Variants in NCKAP5 observed in about 807,000 individuals in gnomAD.
NCKAP5 encodes the protein NCK associated protein 5, also known as nck-associated protein 5.
In NCKAP5, 92 loss-of-function variants were observed where a neutral mutation model predicts 167.0. That is an observed-to-expected ratio of 0.55 (90% CI 0.47 to 0.66). NCKAP5 has a LOEUF of 0.66. Ranked by LOEUF, NCKAP5 falls within the 30% of genes least tolerant of loss-of-function variation. The pLI is 0.00. For synonymous variants in NCKAP5, 891 were observed against 877.4 expected, an observed-to-expected ratio of 1.02 and a Z score of -0.27; for missense variants, 2,378 against 2,315.0, an observed-to-expected ratio of 1.03 and a Z score of -0.56.
intron 8 of NCKAP5, among the ~76,000 whole-genome samples, chr2:132,890,359 A>G (rs1377567097): frequency 6.6e-6 from 1 of 152,006 alleles, no homozygotes; most frequent in African/African-American, 2.4e-5. Context: ...GAGCTATGCT[A>G]GGGGGTATAC....
chr2:133,047,748 G>A (rs2079450888), intron 6 of NCKAP5, among the ~76,000 whole-genome samples: 1 of 152,050 alleles, frequency 6.6e-6, no homozygotes, highest in African/African-American at 2.4e-5. Context: ...GAGGGAACAG[G>A]GAGTCAACAT....
chr2:132,964,938 A>C (rs2076617519), intron 7 of NCKAP5, among the ~76,000 whole-genome samples: 1 of 152,200 alleles, frequency 6.6e-6, no homozygotes, highest in African/African-American at 2.4e-5. Flanking sequence ...AGGTACTTTG[A>C]AGGTTCCAAA....
At chr2:133,283,568 A>T (rs1214452078) in intron 4 of NCKAP5, among the ~76,000 whole-genome samples, 1 of 152,064 alleles carries the variant, frequency 6.6e-6, no homozygotes, top group African/African-American at 2.4e-5. Flanking sequence ...ACATTTTTCT[A>T]GATGGTCACA....
intron 3 of NCKAP5, among the ~76,000 whole-genome samples, chr2:133,467,154 G>A (rs944690654): frequency 3.3e-5 from 5 of 151,612 alleles, no homozygotes; most frequent in African/African-American, 1.2e-4. Flanking sequence ...GTTTGTCATA[G>A]ATAGCTCTTA....
At chr2:132,764,976 C>A (rs1445342506) in intron 16 of NCKAP5, among the ~76,000 whole-genome samples, 3 of 152,152 alleles carry the variant, frequency 2.0e-5, no homozygotes, top group Non-Finnish European at 2.9e-5. Context: ...ATTATCGGGA[C>A]TTTAATTGAT....
chr2:133,615,579 G>T, the NCKAP5 span, among the ~76,000 whole-genome samples: 2 of 152,034 alleles, frequency 1.3e-5, no homozygotes, highest in Non-Finnish European at 2.9e-5. Flanking sequence ...GGTAAACAGA[G>T]CAATTCAACA....
intron 11 of NCKAP5, among the ~76,000 whole-genome samples, chr2:132,839,980 T>C (rs1230129681): frequency 2.0e-5 from 3 of 152,142 alleles, no homozygotes; most frequent in African/African-American, 7.2e-5. Context: ...ATACTATGAC[T>C]CTATACCATC....
At chr2:133,066,056 T>TA (rs369751799) in intron 6 of NCKAP5, among the ~76,000 whole-genome samples, 45 of 152,358 alleles carry the variant, frequency 3.0e-4, no homozygotes, top group African/African-American at 1.1e-3. Flanking sequence ...TACTTGTGTA[T>TA]ACATGCTCAT....
At chr2:133,067,224 T>C (rs2080229855) in intron 6 of NCKAP5, among the ~76,000 whole-genome samples, 1 of 152,274 alleles carries the variant, frequency 6.6e-6, no homozygotes, top group South Asian at 2.1e-4. Context: ...CATCATCATA[T>C]TGTTATAAGT....
chr2:132,703,174 C>T (rs774695913), intron 19 of NCKAP5, among the ~76,000 whole-genome samples: 22 of 152,204 alleles, frequency 1.4e-4, no homozygotes, highest in Non-Finnish European at 2.5e-4. Flanking sequence ...GAGTGAGACC[C>T]TGTCTCTAAA....
intron 11 of NCKAP5, among the ~76,000 whole-genome samples, chr2:132,824,599 G>A (rs932429094): frequency 6.6e-6 from 1 of 152,218 alleles, no homozygotes; most frequent in African/African-American, 2.4e-5. Context: ...CACAAGTGCT[G>A]CCTATCACAT....
intron 2 of NCKAP5, among the ~76,000 whole-genome samples, chr2:133,538,977 G>A (rs2104872883): frequency 8.7e-6 from 1 of 115,084 alleles, no homozygotes; most frequent in African/African-American, 3.5e-5. Flanking sequence ...GTCTCACTCT[G>A]TCGCCCAGGC....
chr2:133,641,473 G>T, the NCKAP5 span, among the ~76,000 whole-genome samples: 1 of 152,350 alleles, frequency 6.6e-6, no homozygotes, highest in African/African-American at 2.4e-5. Context: ...TAGGAAGCCA[G>T]CTAAGAGCTG....
At chr2:133,508,235 T>A (rs902200562) in intron 3 of NCKAP5, among the ~76,000 whole-genome samples, 1 of 152,148 alleles carries the variant, frequency 6.6e-6, no homozygotes, top group African/African-American at 2.4e-5. Flanking sequence ...ACACTGTGGC[T>A]TTCTCAATAA....
At chr2:132,730,301 C>T (rs1293793015) in intron 17 of NCKAP5, among the ~76,000 whole-genome samples, 1 of 152,170 alleles carries the variant, frequency 6.6e-6, no homozygotes, top group Non-Finnish European at 1.5e-5. Context: ...CAAGAACAGC[C>T]TGGCCAACAT....
chr2:133,502,935 T>C (rs1682659546), intron 3 of NCKAP5, among the ~76,000 whole-genome samples: 1 of 152,282 alleles, frequency 6.6e-6, no homozygotes, highest in South Asian at 2.1e-4. Context: ...CCCTTTCCCT[T>C]GCTCTATGTT....
At position 132,676,283 on chromosome 2, in the gene NCKAP5, CTTTTTTTTTTTTTTT is replaced by C. The variant is rs61213029; in HGVS notation, c.5714-2993_5714-2979del. On this transcript the variant is annotated intron_variant, in intron 19 of 19. Transcript: ENST00000409261. ...TCTGAGCTAGGGATGTTGTTTTATC[CTTTTTTTTTTTTTTT>C]TTTTTTTTTTTTTGCAGTGTCCTAC... 3.8e-4 allele frequency among the ~76,000 whole-genome samples: 23 copies of C among 61,136 alleles called. 1 individual carries two copies. The highest frequency in any genetic ancestry group is 5.4e-4 in the African/African-American group (7 of 12,902). The allele number at this position is 61,136 out of a possible 152,430, so 40.1% of individuals were successfully genotyped here.
intron 2 of NCKAP5, among the ~76,000 whole-genome samples, chr2:133,552,424 G>T (rs1418195953): frequency 6.9e-6 from 1 of 145,360 alleles, no homozygotes; most frequent in East Asian, 2.2e-4. Flanking sequence ...CATAAAAAAT[G>T]ATGAGTTCGT....
At chr2:133,471,244 G>C (rs538120046) in intron 3 of NCKAP5, among the ~76,000 whole-genome samples, 1 of 152,244 alleles carries the variant, frequency 6.6e-6, no homozygotes, top group Non-Finnish European at 1.5e-5. Context: ...GTGCTTACCT[G>C]TCATCTTGGC....
Sources: gnomAD v4.1 joint callset for allele counts (sites outside exome capture counted in the v4.1 genomes callset) on GRCh38, gnomAD v4.1.1 for gene constraint, MANE v1.5 for transcripts, NCBI Gene and HGNC (gene_info 2026-07-23, HGNC 2026-07-21) for gene names.